The following CBR4 variants were observed in gnomAD, a reference collection of about 807,000 sequenced individuals.
The protein encoded by CBR4 is carbonyl reductase 4.
CBR4 carries 22 observed loss-of-function variants against 21.0 expected under a neutral mutation model. The observed-to-expected ratio is 1.05, with a 90% CI of 0.75 to 1.50. The LOEUF (loss-of-function observed/expected upper bound fraction) is 1.50. Among genes scored for constraint, CBR4 ranks in the 40% most tolerant of loss-of-function variants. The pLI is 0.00. For synonymous variants in CBR4, 100 were observed against 104.4 expected, an observed-to-expected ratio of 0.96 and a Z score of 0.26; for missense variants, 302 against 286.3, an observed-to-expected ratio of 1.05 and a Z score of -0.40.
chr4:168,984,436 G>C (rs922236002), downstream of CBR4, among the ~76,000 whole-genome samples: 10 of 152,024 alleles, frequency 6.6e-5, no homozygotes, highest in Non-Finnish European at 1.3e-4. Flanking sequence ...AATATTCTAT[G>C]CTCATGGATA....
At position 168,991,726 on chromosome 4, in the gene CBR4, C is replaced by T. The variant is rs139902078; in HGVS notation, c.536-1398G>A. ...AAATACGTATTAATAAAATGCTTAGCCCATATAATCAGTATCCTGTATATT... is the reference window on the plus strand; with the variant it reads ...AAATACGTATTAATAAAATGCTTAGTCCATATAATCAGTATCCTGTATATT... On this transcript the variant is annotated intron_variant, in intron 4 of 4. Coordinates refer to ENST00000306193, the MANE Select transcript of CBR4 (RefSeq NM_032783.5). 5.3e-3 allele frequency among the ~76,000 whole-genome samples: 799 copies of T among 152,132 alleles called. 3 individuals carry two copies. The highest frequency in any genetic ancestry group is 0.034 in the Middle Eastern group (10 of 294).
intron 2 of CBR4, among the ~76,000 whole-genome samples, chr4:168,963,996 A>G (rs147866470): frequency 6.6e-6 from 1 of 152,192 alleles, no homozygotes; most frequent in Non-Finnish European, 1.5e-5. Context: ...CCAGGATGGA[A>G]TAACTAAAAT....
intron 2 of CBR4, among the ~76,000 whole-genome samples, chr4:168,973,489 A>C (rs1477455068): frequency 6.6e-6 from 1 of 152,116 alleles, no homozygotes; most frequent in Non-Finnish European, 1.5e-5. Flanking sequence ...CACCACATCC[A>C]GCTAATTTTT....
At chr4:169,003,382 G>C (rs1269485966) in intron 3 of CBR4, among the ~76,000 whole-genome samples, 1 of 152,202 alleles carries the variant, frequency 6.6e-6, no homozygotes, top group Non-Finnish European at 1.5e-5. Context: ...TGACTGAATT[G>C]CTGCAATCTT....
chr4:168,982,131 G>T (rs976264484), intron 2 of CBR4, among the ~76,000 whole-genome samples: 1 of 152,118 alleles, frequency 6.6e-6, no homozygotes. Context: ...TGGAAAACGG[G>T]ATAAAGAAGC....
At chr4:168,993,152 A>G (rs968335492) in intron 4 of CBR4, among the ~76,000 whole-genome samples, 4 of 152,180 alleles carry the variant, frequency 2.6e-5, no homozygotes, top group African/African-American at 7.2e-5. Flanking sequence ...TCAGCTTAAG[A>G]ACAATATCAT....
intron 2 of CBR4, among the ~76,000 whole-genome samples, chr4:168,950,710 G>A (rs1315212133): frequency 6.6e-6 from 1 of 152,072 alleles, no homozygotes; most frequent in East Asian, 1.9e-4. Flanking sequence ...CTATTATTGT[G>A]TTGCTTTCTA....
At chr4:168,944,929 T>A (rs1000000872) in intron 2 of CBR4, among the ~76,000 whole-genome samples, 1 of 152,248 alleles carries the variant, frequency 6.6e-6, no homozygotes, top group Non-Finnish European at 1.5e-5. Flanking sequence ...TTTCATGACT[T>A]CATTTGTAGC....
rs1731322804 is a variant in CBR4 at position 169,010,237 on chromosome 4, C to T, written c.-148G>A. 8.6e-6 allele frequency: 6 copies of T among 697,990 alleles called. No individual in the cohort carries two copies. The allele number at this position is 697,990 out of a possible 1,614,324, so 43.2% of individuals were successfully genotyped here. ...AAAAAAATAACGCCGCTCGACACCTCCTGCAGCCGCACAATAGTAATGCAA... is the reference window on the plus strand; with the variant it reads ...AAAAAAATAACGCCGCTCGACACCTTCTGCAGCCGCACAATAGTAATGCAA... On this transcript the variant is annotated 5_prime_UTR_variant, in exon 1 of 5. Transcript: ENST00000306193.
At chr4:168,949,492 G>A (rs1050860265) in intron 2 of CBR4, among the ~76,000 whole-genome samples, 2 of 152,120 alleles carry the variant, frequency 1.3e-5, no homozygotes, top group Non-Finnish European at 1.5e-5. Context: ...GTATTATGTT[G>A]GCTGTGGGTT....
At chr4:168,951,069 CT>C (rs960251904) in intron 2 of CBR4, among the ~76,000 whole-genome samples, 2 of 151,418 alleles carry the variant, frequency 1.3e-5, no homozygotes, top group South Asian at 4.2e-4. Flanking sequence ...TTTTTTTCTT[CT>C]TTTTTTTGAG....
At chr4:168,961,204 G>T (rs1763841604) in intron 2 of CBR4, among the ~76,000 whole-genome samples, 2 of 152,104 alleles carry the variant, frequency 1.3e-5, no homozygotes, top group Admixed American at 1.3e-4. Flanking sequence ...TGAATACCTT[G>T]CTCAGTTGCA....
chr4:169,008,866 TAG>T (rs375415399), intron 1 of CBR4: 70 of 409,374 alleles, frequency 1.7e-4, no homozygotes, highest in African/African-American at 1.3e-3. Context: ...TTTTTTCTTT[TAG>T]AGAGCCCAAT....
At chr4:169,005,401 T>C (rs1371396584) in intron 3 of CBR4, 1 of 155,360 alleles carries the variant, frequency 6.4e-6, no homozygotes, top group African/African-American at 2.4e-5. Context: ...CGCACTACTG[T>C]TCATCAGGTC....
intron 2 of CBR4, chr4:168,915,822 A>G: frequency 1.7e-6 from 2 of 1,202,092 alleles, no homozygotes. Flanking sequence ...TATTTTAAGA[A>G]AACAGATGAC....
At chr4:168,963,947 G>A (rs566687624) in intron 2 of CBR4, among the ~76,000 whole-genome samples, 1 of 152,132 alleles carries the variant, frequency 6.6e-6, no homozygotes, top group African/African-American at 2.4e-5. Flanking sequence ...AGAACAGTTG[G>A]GGAACATCCA....
At chr4:168,924,702 C>T (rs1208538992) in intron 2 of CBR4, among the ~76,000 whole-genome samples, 3 of 152,106 alleles carry the variant, frequency 2.0e-5, no homozygotes, top group Non-Finnish European at 4.4e-5. Context: ...AAAGACTATT[C>T]AGTGGTTTTT....
intron 2 of CBR4, among the ~76,000 whole-genome samples, chr4:168,955,228 C>T (rs537312492): frequency 3.4e-4 from 52 of 152,224 alleles, no homozygotes; most frequent in Middle Eastern, 3.4e-3. Flanking sequence ...CCTCCTCTTC[C>T]TTACTGAGAA....
At chr4:168,926,651 C>A in intron 2 of CBR4, 1 of 367,582 alleles carries the variant, frequency 2.7e-6, no homozygotes, top group Non-Finnish European at 5.0e-6. Context: ...GATCAAAATG[C>A]CAAAATACTA....
Sources: allele counts gnomAD v4.1 joint callset (sites outside exome capture counted in the v4.1 genomes callset), GRCh38; gene constraint gnomAD v4.1.1; transcripts MANE v1.5; gene names NCBI Gene and HGNC (gene_info 2026-07-23, HGNC 2026-07-21).